Variants in DKK1 observed in about 807,000 individuals in gnomAD.
DKK1 encodes dickkopf Wnt signaling pathway inhibitor 1.
A neutral mutation model predicts 26.0 loss-of-function variants in DKK1; 18 were observed. That is an observed-to-expected ratio of 0.69 (90% confidence interval 0.48 to 1.03). The LOEUF (loss-of-function observed/expected upper bound fraction) is 1.03, where lower values mean the gene tolerates loss of function less well. DKK1 is among the 50% of genes least tolerant of loss of function. The probability of loss-of-function intolerance (pLI) is 0.00; values close to 1 mark genes in which losing one functional copy is unlikely to be tolerated. For synonymous variants in DKK1, 130 were observed against 132.6 expected, an observed-to-expected ratio of 0.98 and a Z score of 0.13; for missense variants, 335 against 348.5, an observed-to-expected ratio of 0.96 and a Z score of 0.31.
intron 2 of DKK1, 193 bp downstream of exon 2, chr10:52,315,278 A>C: frequency 4.1e-6 from 2 of 489,420 alleles, no homozygotes; most frequent in Non-Finnish European, 6.6e-6. Context: ...TTTAATCGGG[A>C]AGAAGAGAGA....
rs944033131 is a variant in DKK1 at position 52,314,708 on chromosome 10, C to A, written c.243+31C>A. Reference sequence around the variant, plus strand: ...AGGGGTCGGGCACTCAGAGGATGCTCTGACCTTGAAAGGGTCCTATCTGGA... The same window carrying A: ...AGGGGTCGGGCACTCAGAGGATGCTATGACCTTGAAAGGGTCCTATCTGGA... On this transcript the variant is annotated intron_variant, in intron 1 of 3. Transcript: ENST00000373970. This position sits in a 1 kb window ranked among gnomAD's most constrained non-coding sequence, Gnocchi z 5.7. The A allele has an allele frequency of 6.2e-7, 1 of 1,607,428 alleles. No individual in the cohort carries two copies. The highest frequency in any genetic ancestry group is 1.1e-5 in the South Asian group (1 of 90,520).
rs997702800 is a variant in DKK1, at chr10:52,317,467, G to A, written c.*660G>A. ...ACGTATGTGTGTGTTCTACAAGAAC[G>A]GAAGTGTGATATGTTTAAAGATGAT... On this transcript the variant is annotated 3_prime_UTR_variant, in exon 4 of 4. Transcript: ENST00000373970. 6.6e-6 allele frequency: 1 copy of A among 152,240 alleles called. No homozygotes were observed. Among genetic ancestry groups the A allele is most frequent in the Admixed American group, 6.6e-5 (1 of 15,258 alleles). 9.4% of individuals were successfully genotyped at this position (152,240 alleles called of 1,614,324 possible).
Position 52,316,755 on chromosome 10 carries a change from A to C in DKK1, c.749A>C (p.Asp250Ala). 1 of 1,614,162 alleles carries C rather than the reference A, an allele frequency of 6.2e-7. No individual in the cohort carries two copies. Among genetic ancestry groups the C allele is most frequent in the East Asian group, 2.2e-5 (1 of 44,874 alleles). ...GGTCTGTCTTGCCGGATACAGAAAGATCACCATCAAGCCAGTAATTCTTCT... is the reference window on the plus strand; with the variant it reads ...GGTCTGTCTTGCCGGATACAGAAAGCTCACCATCAAGCCAGTAATTCTTCT... ...GEGLSCRIQK[D>A]HHQASNSSRL... Residue 250 changes from aspartate to alanine, a missense_variant, in exon 4 of 4, where the codon GAT (aspartate) becomes GCT (alanine). Coordinates refer to ENST00000373970, the MANE Select transcript of DKK1 (RefSeq NM_012242.4).
intron 2 of DKK1, 30 bp from the exon 3 acceptor site, chr10:52,316,265 G>A (rs1842616213): frequency 6.2e-6 from 10 of 1,612,358 alleles, no homozygotes; most frequent in African/African-American, 2.7e-5. Flanking sequence ...TTACAACCCT[G>A]AAGTTAATCA....
rs2132486120 is a variant in DKK1, at chr10:52,314,644, C to T, written c.210C>T (p.Gly70=). ...VSAAPGILYP[G]GNKYQTIDNY... is the part of the protein sequence containing the mutation. ...CCGCGCCGGGAATCCTGTACCCGGGCGGGAATAAGTACCAGACCATTGACA... is the reference window on the plus strand; with the variant it reads ...CCGCGCCGGGAATCCTGTACCCGGGTGGGAATAAGTACCAGACCATTGACA... Residue 70 remains glycine, a synonymous_variant, in exon 1 of 4, where the codon GGC becomes GGT. Transcript: ENST00000373970. The surrounding 1 kb of genome is among the most constrained non-coding windows in gnomAD (Gnocchi z 5.7). 6.2e-7 allele frequency: 1 copy of T among 1,613,046 alleles called. No homozygotes were observed. Among genetic ancestry groups the T allele is most frequent in the Non-Finnish European group, 8.5e-7 (1 of 1,179,932 alleles).
chr10:52,314,604 G>T lies in DKK1; in HGVS notation c.170G>T (p.Gly57Val), dbSNP rs771830747. 3 of 1,613,452 alleles carry T rather than the reference G, an allele frequency of 1.9e-6. No individual in the cohort carries two copies. Among genetic ancestry groups the T allele is most frequent in the Admixed American group, 3.3e-5 (2 of 60,018 alleles). Reference protein sequence around the residue: ...PPLGGAAGHPGSAVSAAPGIL... With the variant: ...PPLGGAAGHPVSAVSAAPGIL... The stretch of plus-strand genomic sequence containing the variant: ...CTGGGCGGCGCTGCGGGGCACCCAG[G>T]CTCTGCAGTCAGCGCCGCGCCGGGA... The change falls in exon 1 of 4, where the codon GGC becomes GTC. Residue 57 changes from glycine to valine, a missense_variant. By Grantham distance (109) the Gly-to-Val change is moderately radical. Coordinates refer to ENST00000373970, the MANE Select transcript of DKK1 (RefSeq NM_012242.4). This position sits in a 1 kb window ranked among gnomAD's most constrained non-coding sequence, Gnocchi z 5.7.
At chr10:52,315,135 G>T in intron 2 of DKK1, 50 bp downstream of exon 2, 1 of 824,622 alleles carries the variant, frequency 1.2e-6, no homozygotes, top group Non-Finnish European at 1.5e-6. Context: ...GCCTTTGAGC[G>T]TCTATGAATT....
At position 52,314,538 on chromosome 10, in the gene DKK1, C is replaced by T. The variant is rs1285873138; in HGVS notation, c.104C>T (p.Ser35Leu). 4 of 1,613,760 alleles carry T rather than the reference C, an allele frequency of 2.5e-6. No individual in the cohort carries two copies. Among genetic ancestry groups the T allele is most frequent in the Non-Finnish European group, 3.4e-6 (4 of 1,180,024 alleles). ...CTGGGAGTGAGCGCCACCTTGAACTCGGTTCTCAATTCCAACGCTATCAAG... is the reference window on the plus strand; with the variant it reads ...CTGGGAGTGAGCGCCACCTTGAACTTGGTTCTCAATTCCAACGCTATCAAG... ...PLLGVSATLN[S>L]VLNSNAIKNL... The change falls in exon 1 of 4, where the codon TCG becomes TTG. Residue 35 changes from serine (S) to leucine (L), a missense_variant. By Grantham distance (145) the Ser-to-Leu change is moderately radical. Coordinates refer to ENST00000373970, the MANE Select transcript of DKK1 (RefSeq NM_012242.4). The surrounding 1 kb of genome is among the most constrained non-coding windows in gnomAD (Gnocchi z 5.7).
chr10:52,314,692 G>A lies in DKK1; in HGVS notation c.243+15G>A. On this transcript the variant is annotated intron_variant, in intron 1 of 3. Transcript: ENST00000373970. This position sits in a 1 kb window ranked among gnomAD's most constrained non-coding sequence, Gnocchi z 5.7. ...ACAACTACCAGGTGAGAGGGGTCGG[G>A]CACTCAGAGGATGCTCTGACCTTGA... 6.2e-7 allele frequency: 1 copy of A among 1,610,696 alleles called. No individual in the cohort carries two copies.
Position 52,317,076 on chromosome 10 carries a change from G to A in DKK1, c.*269G>A. ...TTTTAATTATTTTTCTAAAGGTGCT[G>A]CACTGCCTATTTTTCCTCTTGTTAT... On this transcript the variant is annotated 3_prime_UTR_variant, in exon 4 of 4. Transcript: ENST00000373970. 4 of 403,314 alleles carry A rather than the reference G, an allele frequency of 9.9e-6. No individual in the cohort carries two copies. The highest frequency in any genetic ancestry group is 1.8e-5 in the Non-Finnish European group (4 of 224,848). The allele number at this position is 403,314 out of a possible 1,614,324, so 25.0% of individuals were successfully genotyped here.
chr10:52,314,970 C>T lies in DKK1; in HGVS notation c.291C>T (p.Cys97=), dbSNP rs553998785. The change falls in exon 2 of 4, where the codon TGC becomes TGT. Residue 97 remains cysteine, a synonymous_variant. Coordinates refer to ENST00000373970, the MANE Select transcript of DKK1 (RefSeq NM_012242.4). This position sits in a 1 kb window ranked among gnomAD's most constrained non-coding sequence, Gnocchi z 5.7. ...AGGAGTGCGGCACTGATGAGTACTG[C>T]GCTAGTCCCACCCGCGGAGGGGACG... ...EDEECGTDEY[C]ASPTRGGDAG... The T allele has an allele frequency of 6.2e-7, 1 of 1,600,410 alleles. No individual in the cohort carries two copies. Among genetic ancestry groups the T allele is most frequent in the African/African-American group, 1.3e-5 (1 of 74,752 alleles).
In DKK1 at chr10:52,314,780, T is replaced by G. The variant is rs1474621557; in HGVS notation, c.243+103T>G. 3.3e-6 allele frequency: 5 copies of G among 1,529,732 alleles called. No homozygotes were observed. The highest frequency in any genetic ancestry group is 4.4e-6 in the Non-Finnish European group (5 of 1,136,674). 94.8% of individuals were successfully genotyped at this position (1,529,732 alleles called of 1,614,324 possible). The stretch of plus-strand genomic sequence containing the variant: ...GAATGTGTGCGGTTCAGGGAGCATT[T>G]GGTAACCCTGCATTTGGGAGCAGTG... On this transcript the variant is annotated intron_variant, in intron 1 of 3. Coordinates refer to ENST00000373970, the MANE Select transcript of DKK1 (RefSeq NM_012242.4). The surrounding 1 kb of genome is among the most constrained non-coding windows in gnomAD (Gnocchi z 5.7).
rs765263687 is a variant in DKK1, at chr10:52,314,901, T to C, written c.244-22T>C. 1.4e-6 allele frequency: 2 copies of C among 1,481,188 alleles called. No homozygotes were observed. The highest frequency in any genetic ancestry group is 1.8e-6 in the Non-Finnish European group (2 of 1,111,836). 91.8% of individuals were successfully genotyped at this position (1,481,188 alleles called of 1,614,324 possible). On this transcript the variant is annotated intron_variant, in intron 1 of 3. Coordinates refer to ENST00000373970, the MANE Select transcript of DKK1 (RefSeq NM_012242.4). The surrounding 1 kb of genome is among the most constrained non-coding windows in gnomAD (Gnocchi z 5.7). Reference sequence around the variant, plus strand: ...ACCTGGACGTCTGGGTGCCTCACCCTCTCCCCGAACCCTTCCCACAGCCGT... The same window carrying C: ...ACCTGGACGTCTGGGTGCCTCACCCCCTCCCCGAACCCTTCCCACAGCCGT...
In DKK1 at chr10:52,314,924, C is replaced by A. The variant is rs533863517; in HGVS notation, c.245C>A (p.Pro82Gln). Residue 82 changes from proline (P) to glutamine (Q), a missense_variant and splice_region_variant, in exon 2 of 4, where the codon CCG becomes CAG. Physicochemically the swap from Pro to Gln is moderately conservative, Grantham distance 76 (BLOSUM62 -1). Transcript: ENST00000373970. This position sits in a 1 kb window ranked among gnomAD's most constrained non-coding sequence, Gnocchi z 5.7. ...NKYQTIDNYQ[P>Q]YPCAEDEECG... is the part of the protein sequence containing the mutation. Reference sequence around the variant, plus strand: ...CCTCTCCCCGAACCCTTCCCACAGCCGTACCCGTGCGCAGAGGACGAGGAG... The same window carrying A: ...CCTCTCCCCGAACCCTTCCCACAGCAGTACCCGTGCGCAGAGGACGAGGAG... The A allele has an allele frequency of 7.9e-6, 12 of 1,525,454 alleles. No individual in the cohort carries two copies. Among genetic ancestry groups the A allele is most frequent in the Non-Finnish European group, 1.1e-5 (12 of 1,130,312 alleles). The allele number at this position is 1,525,454 out of a possible 1,614,324, so 94.5% of individuals were successfully genotyped here. A position where few individuals can be genotyped will look rare whatever the true frequency, so the allele number is the denominator to read the frequency against.
Position 52,316,327 on chromosome 10 carries a change from C to T in DKK1, c.439C>T (p.Arg147Ter), listed in dbSNP as rs1372405846. 6 of 1,613,910 alleles carry T rather than the reference C, an allele frequency of 3.7e-6. No individual in the cohort carries two copies. Among genetic ancestry groups the T allele is most frequent in the Non-Finnish European group, 5.1e-6 (6 of 1,179,992 alleles). ...ICVSSDQNHF[R>*]GEIEETITES... ...TGTGTCTTCTGATCAAAATCATTTCCGAGGAGAAATTGAGGAAACCATCAC... is the reference window on the plus strand; with the variant it reads ...TGTGTCTTCTGATCAAAATCATTTCTGAGGAGAAATTGAGGAAACCATCAC... Residue 147 changes from arginine to a stop codon, truncating the protein, a stop_gained, in exon 3 of 4, where the codon CGA becomes TGA. Transcript: ENST00000373970. LOFTEE classifies it high-confidence loss of function.
rs1484073259 is a variant in DKK1, at chr10:52,315,018, C to T, written c.339C>T (p.Ala113=). The change falls in exon 2 of 4, where the codon GCC becomes GCT. Residue 113 remains alanine, a synonymous_variant. Transcript: ENST00000373970. The stretch of plus-strand genomic sequence containing the variant: ...ACGCAGGCGTGCAAATCTGTCTCGC[C>T]TGCAGGAAGCGCCGAAAACGCTGCA... ...GGDAGVQICL[A]CRKRRKRCMR... is the part of the protein sequence containing the mutation. 1.2e-6 allele frequency: 2 copies of T among 1,605,678 alleles called. No individual in the cohort carries two copies. The highest frequency in any genetic ancestry group is 1.7e-6 in the Non-Finnish European group (2 of 1,174,196).
At position 52,316,712 on chromosome 10, in the gene DKK1, C is replaced by T. The variant is rs774955517; in HGVS notation, c.706C>T (p.Arg236Cys). Reference sequence around the variant, plus strand: ...CTCTCATGGACTAGAAATATTCCAGCGTTGTTACTGTGGAGAAGGTCTGTC... The same window carrying T: ...CTCTCATGGACTAGAAATATTCCAGTGTTGTTACTGTGGAGAAGGTCTGTC... ...KGSHGLEIFQ[R>C]CYCGEGLSCR... Residue 236 changes from arginine to cysteine, a missense_variant, in exon 4 of 4, where the codon CGT becomes TGT. Coordinates refer to ENST00000373970, the MANE Select transcript of DKK1 (RefSeq NM_012242.4). 1.9e-6 allele frequency: 3 copies of T among 1,613,996 alleles called. No homozygotes were observed. Among genetic ancestry groups the T allele is most frequent in the African/African-American group, 1.3e-5 (1 of 74,920 alleles).
In DKK1 at chr10:52,314,419, C is replaced by T. The variant is rs769253158; in HGVS notation, c.-16C>T. 1.2e-5 allele frequency: 20 copies of T among 1,613,630 alleles called. No homozygotes were observed. The highest frequency in any genetic ancestry group is 1.7e-5 in the Non-Finnish European group (20 of 1,179,912). ...GGTCATTTTCTCTTTCTTTCTCCCT[C>T]TTGAGTCCTTCTGAGATGATGGCTC... On this transcript the variant is annotated 5_prime_UTR_variant, in exon 1 of 4. Transcript: ENST00000373970. The surrounding 1 kb of genome is among the most constrained non-coding windows in gnomAD (Gnocchi z 5.7).
rs1211598422 is a variant in DKK1, at chr10:52,314,725, C to T, written c.243+48C>T. 1 of 1,597,544 alleles carries T rather than the reference C, an allele frequency of 6.3e-7. No individual in the cohort carries two copies. Among genetic ancestry groups the T allele is most frequent in the East Asian group, 2.2e-5 (1 of 44,616 alleles). ...AGGATGCTCTGACCTTGAAAGGGTC[C>T]TATCTGGAGACGAGGGAGTAGAACG... is the stretch of plus-strand genomic sequence containing the variant. On this transcript the variant is annotated intron_variant, in intron 1 of 3. Transcript: ENST00000373970. The surrounding 1 kb of genome is among the most constrained non-coding windows in gnomAD (Gnocchi z 5.7).
Sources: gnomAD v4.1 joint callset for allele counts on GRCh38, gnomAD v4.1.1 for gene constraint, Gnocchi (gnomAD v3.1) non-coding constraint, MANE v1.5 for transcripts, NCBI Gene and HGNC (gene_info 2026-07-23, HGNC 2026-07-21) for gene names.